Variants in NT5DC1 observed in about 807,000 individuals in gnomAD.
The protein encoded by NT5DC1 is 5'-nucleotidase domain-containing protein 1.
In NT5DC1, 42 loss-of-function variants were observed where a neutral mutation model predicts 59.4. The observed-to-expected ratio is 0.71, with a 90% CI of 0.55 to 0.92. NT5DC1 has a LOEUF of 0.92. NT5DC1 is among the 40% of genes least tolerant of loss of function. The pLI is 0.00. For missense variants in NT5DC1, 501 were observed against 537.1 expected (o/e 0.93, Z 0.66); for synonymous variants, 172 against 188.1 (o/e 0.91, Z 0.70).
chr6:116,189,349 C>A (rs779926458), intron 6 of NT5DC1, among the ~76,000 whole-genome samples: 3 of 151,878 alleles, frequency 2.0e-5, no homozygotes, highest in Non-Finnish European at 4.4e-5. Flanking sequence ...TTGAGACTTA[C>A]ATATAGTTCC....
intron 6 of NT5DC1, among the ~76,000 whole-genome samples, chr6:116,163,653 G>A (rs1780398035): frequency 6.6e-6 from 1 of 151,892 alleles, no homozygotes; most frequent in African/African-American, 2.4e-5. Context: ...CTTTACTTCT[G>A]CTAGTTTTGG....
At chr6:116,155,180 T>C (rs1472501184) in intron 6 of NT5DC1, among the ~76,000 whole-genome samples, 1 of 152,204 alleles carries the variant, frequency 6.6e-6, no homozygotes, top group Non-Finnish European at 1.5e-5. Context: ...TAGTTAAGGT[T>C]ACAAGTAGTT....
At chr6:116,120,192 T>C (rs1304869240) in intron 6 of NT5DC1, 1 of 1,614,162 alleles carries the variant, frequency 6.2e-7, no homozygotes, top group South Asian at 1.1e-5. Flanking sequence ...GTGAGATCGA[T>C]GATGGCACTC....
intron 6 of NT5DC1, among the ~76,000 whole-genome samples, chr6:116,205,693 T>C (rs565319652): frequency 6.6e-6 from 1 of 152,020 alleles, no homozygotes; most frequent in Non-Finnish European, 1.5e-5. Context: ...GATTTTGTAT[T>C]AAAAGGGTAC....
In NT5DC1 at chr6:116,126,449, G is replaced by A. The variant is rs145880900; in HGVS notation, c.529+8504G>A. Among the ~76,000 whole-genome samples, 628 of 152,144 alleles carry A rather than the reference G, an allele frequency of 4.1e-3. 4 individuals carry two copies. The highest frequency in any genetic ancestry group is 0.014 in the African/African-American group (574 of 41,516). Reference sequence around the variant, plus strand: ...GATACCCCCTTTTTATTTTTGAAAAGCACATTCTTATGTTAATTGGTTGAT... The same window carrying A: ...GATACCCCCTTTTTATTTTTGAAAAACACATTCTTATGTTAATTGGTTGAT... On this transcript the variant is annotated intron_variant, in intron 6 of 11. Coordinates refer to ENST00000319550, the MANE Select transcript of NT5DC1 (RefSeq NM_152729.3).
chr6:116,185,135 G>A (rs1042755053), intron 6 of NT5DC1, among the ~76,000 whole-genome samples: 4 of 151,996 alleles, frequency 2.6e-5, no homozygotes, highest in Non-Finnish European at 4.4e-5. Context: ...GATCATTCAG[G>A]AGCAAGTTAT....
chr6:116,191,290 A>G (rs1379456662), intron 6 of NT5DC1, among the ~76,000 whole-genome samples: 12 of 152,068 alleles, frequency 7.9e-5, no homozygotes, highest in Admixed American at 7.2e-4. Flanking sequence ...AAGATGCAAA[A>G]CAAGGAAGAG....
At chr6:116,112,898 A>T (rs1458616028) in intron 4 of NT5DC1, among the ~76,000 whole-genome samples, 1 of 152,216 alleles carries the variant, frequency 6.6e-6, no homozygotes, top group Admixed American at 6.5e-5. Context: ...TAAGTATATT[A>T]ATCCTCAGAG....
intron 6 of NT5DC1, among the ~76,000 whole-genome samples, chr6:116,207,665 A>G (rs1781484963): frequency 6.6e-6 from 1 of 151,970 alleles, no homozygotes; most frequent in Admixed American, 6.6e-5. Flanking sequence ...ACCAAAGAAG[A>G]AAAAAGAGGA....
At chr6:116,143,152 G>A (rs1308681780) in intron 6 of NT5DC1, among the ~76,000 whole-genome samples, 3 of 151,964 alleles carry the variant, frequency 2.0e-5, no homozygotes, top group Non-Finnish European at 2.9e-5. Flanking sequence ...AACACTAAAG[G>A]AATTTTTAGA....
intron 2 of NT5DC1, among the ~76,000 whole-genome samples, chr6:116,107,725 A>C (rs1401976480): frequency 6.6e-6 from 1 of 151,758 alleles, no homozygotes; most frequent in African/African-American, 2.4e-5. Flanking sequence ...GGCGCCCGCC[A>C]CTACGCCCGG....
At chr6:116,107,814 C>T (rs1455929686) in intron 2 of NT5DC1, among the ~76,000 whole-genome samples, 2 of 151,934 alleles carry the variant, frequency 1.3e-5, no homozygotes, top group Non-Finnish European at 2.9e-5. Context: ...CCTCGTGATC[C>T]GCCCGTCTCG....
At position 116,243,890 on chromosome 6, in the gene NT5DC1, AT is replaced by A. The variant is rs772158330; in HGVS notation, c.1253-10del. 2.4e-4 allele frequency: 240 copies of A among 980,920 alleles called. No homozygotes were observed. Among genetic ancestry groups the A allele is most frequent in the Admixed American group, 3.9e-4 (18 of 45,908 alleles). The allele number at this position is 980,920 out of a possible 1,614,324, so 60.8% of individuals were successfully genotyped here. On this transcript the variant is annotated intron_variant, in intron 11 of 11. Transcript: ENST00000319550. ...ATTCAGAGACCTGTGCAATAATTAA[AT>A]TTTTTTTTCCTCCCCAGAATTACCT...
intron 6 of NT5DC1, among the ~76,000 whole-genome samples, chr6:116,159,142 G>T (rs1780273227): frequency 6.6e-6 from 1 of 152,098 alleles, no homozygotes; most frequent in South Asian, 2.1e-4. Flanking sequence ...TTATGCCATT[G>T]CTCTGGGATC....
chr6:116,224,481 A>G (rs924017366), intron 8 of NT5DC1, among the ~76,000 whole-genome samples: 1 of 152,220 alleles, frequency 6.6e-6, no homozygotes, highest in Non-Finnish European at 1.5e-5. Flanking sequence ...TATGAGGTAC[A>G]GTATATGGGG....
At chr6:116,109,538 G>T (rs906237854) in intron 3 of NT5DC1, among the ~76,000 whole-genome samples, 1 of 152,112 alleles carries the variant, frequency 6.6e-6, no homozygotes, top group African/African-American at 2.4e-5. Context: ...CCTTGTCCCA[G>T]TACCCCTCCT....
intron 11 of NT5DC1, among the ~76,000 whole-genome samples, chr6:116,239,970 T>C (rs936144436): frequency 6.6e-6 from 1 of 152,198 alleles, no homozygotes; most frequent in Non-Finnish European, 1.5e-5. Context: ...AGAATTTAAA[T>C]ATTTAAAAAA....
intron 9 of NT5DC1, chr6:116,237,696 C>T (rs1355161449): frequency 3.1e-6 from 1 of 322,232 alleles, no homozygotes; most frequent in African/African-American, 2.2e-5. Flanking sequence ...ACCTAGGGAA[C>T]TTTCCAGATT....
At chr6:116,108,087 T>C (rs937889028) in intron 2 of NT5DC1, among the ~76,000 whole-genome samples, 1 of 152,110 alleles carries the variant, frequency 6.6e-6, no homozygotes, top group African/African-American at 2.4e-5. Flanking sequence ...TTTTTTTCTC[T>C]TTTGAGTTTT....
Sources: allele counts gnomAD v4.1 joint callset (sites outside exome capture counted in the v4.1 genomes callset), GRCh38; gene constraint gnomAD v4.1.1; transcripts MANE v1.5; gene names NCBI Gene and HGNC (gene_info 2026-07-23, HGNC 2026-07-21).